The following KHDRBS2 variants were observed in gnomAD, a reference collection of about 807,000 sequenced individuals.
KHDRBS2 encodes KH RNA binding domain containing, signal transduction associated 2.
KHDRBS2 carries 26 observed loss-of-function variants against 44.3 expected under a neutral mutation model. That is an observed-to-expected ratio of 0.59 (90% confidence interval 0.43 to 0.81). KHDRBS2 has a LOEUF of 0.81. Among genes scored for constraint, KHDRBS2 ranks in the 40% least tolerant of loss-of-function variants. The pLI is 0.00. For missense variants in KHDRBS2, 476 were observed against 433.1 expected (o/e 1.10, Z -0.88); for synonymous variants, 194 against 151.1 (o/e 1.28, Z -2.08).
the KHDRBS2 span, among the ~76,000 whole-genome samples, chr6:61,545,200 C>A: frequency 1.3e-5 from 2 of 151,874 alleles, no homozygotes; most frequent in Non-Finnish European, 2.9e-5. Flanking sequence ...AATCCCAGTA[C>A]TTTGGGTGGC....
At chr6:62,120,997 G>A (rs1415625453) in intron 2 of KHDRBS2, among the ~76,000 whole-genome samples, 1 of 152,152 alleles carries the variant, frequency 6.6e-6, no homozygotes, top group Non-Finnish European at 1.5e-5. Context: ...GTTCATTCCA[G>A]GGGACCAAAA....
intron 1 of KHDRBS2, among the ~76,000 whole-genome samples, chr6:62,240,958 C>T (rs1834563576): frequency 6.6e-6 from 1 of 151,808 alleles, no homozygotes; most frequent in Non-Finnish European, 1.5e-5. Flanking sequence ...TGCGTTTAAT[C>T]TTACATACTT....
chr6:61,727,293 A>C (rs1298205093), intron 7 of KHDRBS2, among the ~76,000 whole-genome samples: 2 of 152,212 alleles, frequency 1.3e-5, no homozygotes, highest in African/African-American at 2.4e-5. Flanking sequence ...AGATAAATTA[A>C]ATACTTAAAT....
chr6:61,963,225 A>G (rs1206029088), intron 4 of KHDRBS2, among the ~76,000 whole-genome samples: 2 of 152,068 alleles, frequency 1.3e-5, no homozygotes, highest in African/African-American at 4.8e-5. Flanking sequence ...ATGTAATTAT[A>G]AATTATGGTA....
chr6:61,907,894 A>T (rs1338086064), intron 4 of KHDRBS2, among the ~76,000 whole-genome samples: 4 of 152,236 alleles, frequency 2.6e-5, no homozygotes, highest in Non-Finnish European at 5.9e-5. Flanking sequence ...TGCTTCAGTT[A>T]TATAAAACTT....
At chr6:62,246,536 C>G (rs2150171385) in intron 1 of KHDRBS2, among the ~76,000 whole-genome samples, 1 of 152,052 alleles carries the variant, frequency 6.6e-6, no homozygotes, top group South Asian at 2.1e-4. Context: ...AAATATCCTG[C>G]TTTGCAAAAT....
intron 3 of KHDRBS2, among the ~76,000 whole-genome samples, chr6:62,040,999 C>G (rs1268550270): frequency 6.6e-6 from 1 of 152,012 alleles, no homozygotes; most frequent in Non-Finnish European, 1.5e-5. Context: ...TAACCTGGCC[C>G]CTTTCCATAT....
intron 6 of KHDRBS2, among the ~76,000 whole-genome samples, chr6:61,877,919 A>AT (rs1799670730): frequency 6.6e-6 from 1 of 151,912 alleles, no homozygotes; most frequent in African/African-American, 2.4e-5. Flanking sequence ...ATAGTTGAAG[A>AT]TTTTATCATT....
At chr6:61,852,290 A>G (rs1238707179) in intron 6 of KHDRBS2, among the ~76,000 whole-genome samples, 1 of 130,404 alleles carries the variant, frequency 7.7e-6, no homozygotes, top group Non-Finnish European at 1.6e-5. Context: ...TTTATCAAAT[A>G]AAGATTTTTT....
chr6:62,238,729 T>C (rs1215562942), intron 1 of KHDRBS2, among the ~76,000 whole-genome samples: 1 of 151,110 alleles, frequency 6.6e-6, no homozygotes, highest in Non-Finnish European at 1.5e-5. Flanking sequence ...CACACATATA[T>C]TTGAGTACAG....
At chr6:61,865,785 T>C (rs940830918) in intron 6 of KHDRBS2, among the ~76,000 whole-genome samples, 8 of 152,206 alleles carry the variant, frequency 5.3e-5, no homozygotes, top group African/African-American at 7.2e-5. Context: ...CTGGGATAAA[T>C]TGGCCAAAAC....
At chr6:62,068,258 G>T (rs1794207084) in intron 2 of KHDRBS2, among the ~76,000 whole-genome samples, 6 of 151,524 alleles carry the variant, frequency 4.0e-5, no homozygotes, top group Admixed American at 4.0e-4. Flanking sequence ...ATGATTTGAA[G>T]TTGACTGATG....
chr6:62,107,366 T>C (rs376862779), intron 2 of KHDRBS2, among the ~76,000 whole-genome samples: 11 of 152,030 alleles, frequency 7.2e-5, no homozygotes, highest in East Asian at 3.9e-4. Flanking sequence ...GAATAAAATA[T>C]CTAGGAATCC....
chr6:62,029,139 TA>T (rs544815818), intron 3 of KHDRBS2, among the ~76,000 whole-genome samples: 1 of 152,152 alleles, frequency 6.6e-6, no homozygotes, highest in South Asian at 2.1e-4. Context: ...ATTTATATTT[TA>T]AATTTTTATA....
intron 6 of KHDRBS2, among the ~76,000 whole-genome samples, chr6:61,775,946 T>C (rs745994829): frequency 2.0e-5 from 3 of 152,134 alleles, no homozygotes; most frequent in Non-Finnish European, 4.4e-5. Context: ...AACAGAGATA[T>C]AGATCAATGG....
intron 2 of KHDRBS2, among the ~76,000 whole-genome samples, chr6:62,062,047 G>A (rs532717802): frequency 6.6e-6 from 1 of 151,496 alleles, no homozygotes; most frequent in Non-Finnish European, 1.5e-5. Context: ...TTACATAATG[G>A]TAAAGGGATC....
At chr6:62,275,541 C>A (rs1221238566) in intron 1 of KHDRBS2, among the ~76,000 whole-genome samples, 2 of 152,110 alleles carry the variant, frequency 1.3e-5, no homozygotes, top group Non-Finnish European at 2.9e-5. Context: ...TTTTATAATA[C>A]TCTTTTATAA....
intron 3 of KHDRBS2, among the ~76,000 whole-genome samples, chr6:62,038,688 A>C (rs900787386): frequency 1.4e-4 from 22 of 151,978 alleles, no homozygotes; most frequent in African/African-American, 4.6e-4. Flanking sequence ...TCTTAATTGT[A>C]CCTCCAAATT....
At chr6:61,863,615 G>A (rs1330866201) in intron 6 of KHDRBS2, among the ~76,000 whole-genome samples, 1 of 152,134 alleles carries the variant, frequency 6.6e-6, no homozygotes, top group Non-Finnish European at 1.5e-5. Flanking sequence ...TTAATCTTGA[G>A]CTATAATTTG....
Sources: allele counts gnomAD v4.1 joint callset (sites outside exome capture counted in the v4.1 genomes callset), GRCh38; gene constraint gnomAD v4.1.1; transcripts MANE v1.5; gene names NCBI Gene and HGNC (gene_info 2026-07-23, HGNC 2026-07-21).